HM13: variants seen among roughly 807,000 people sequenced by gnomAD.
HM13 encodes the protein histocompatibility minor 13.
HM13 carries 18 observed loss-of-function variants against 50.0 expected under a neutral mutation model. The ratio of observed to expected loss-of-function variants is 0.36; its 90% CI spans 0.25 to 0.53. HM13 has a LOEUF of 0.53. HM13 is among the 20% of genes least tolerant of loss of function. HM13 has a pLI of 0.90. For synonymous variants in HM13, 197 were observed against 232.6 expected (o/e 0.85, Z 1.39); for missense variants, 393 against 552.4 (o/e 0.71, Z 2.89).
chr20:31,559,790 C>A, intron 9 of HM13, 143 bp downstream of exon 9: 2 of 815,620 alleles, frequency 2.5e-6, no homozygotes, highest in Non-Finnish European at 4.2e-6. Flanking sequence ...CTGCATTTTG[C>A]ATCTTGAAGT....
intron 2 of HM13, among the ~76,000 whole-genome samples, chr20:31,528,485 GT>G (rs1002356355): frequency 5.9e-4 from 90 of 151,368 alleles, no homozygotes; most frequent in Non-Finnish European, 1.5e-4. Flanking sequence ...CCCTGCTAAT[GT>G]TTTCTTTTTT....
Position 31,568,158 on chromosome 20 carries a change from T to C in HM13, c.1115T>C (p.Leu372Pro). 1 of 1,613,286 alleles carries C rather than the reference T, an allele frequency of 6.2e-7. No homozygotes were observed. The highest frequency in any genetic ancestry group is 8.5e-7 in the Non-Finnish European group (1 of 1,179,962). The change falls in exon 12 of 13, where the codon CTG becomes CCG. Residue 372 changes from leucine (L) to proline (P), a missense_variant. Leu to Pro is a moderately conservative substitution (Grantham distance 98, BLOSUM62 -3). Coordinates refer to ENST00000398174, the MANE Select transcript of HM13 (RefSeq NM_178581.3). Reference protein sequence around the residue: ...FPTVSGSPASLADSMQQKLAG... With the variant: ...FPTVSGSPASPADSMQQKLAG... ...ACAGTCTCGGGCTCCCCAGCCAGCCTGGCCGACTCCATGCAGCAGAAGCTA... is the reference window on the plus strand; with the variant it reads ...ACAGTCTCGGGCTCCCCAGCCAGCCCGGCCGACTCCATGCAGCAGAAGCTA...
At chr20:31,554,718 C>CG in intron 7 of HM13, 28 bp from the exon 8 acceptor site, 1 of 1,585,716 alleles carries the variant, frequency 6.3e-7, no homozygotes, top group Non-Finnish European at 8.7e-7. Flanking sequence ...CTCCAGCTGA[C>CG]TCCTCACATT....
At chr20:31,542,266 C>A (rs1983489268) in intron 3 of HM13, among the ~76,000 whole-genome samples, 1 of 152,226 alleles carries the variant, frequency 6.6e-6, no homozygotes. Context: ...CCCAAGACAT[C>A]CTTCCTGCAA....
intron 1 of HM13, among the ~76,000 whole-genome samples, chr20:31,524,119 A>G (rs962046141): frequency 2.6e-5 from 4 of 152,160 alleles, no homozygotes; most frequent in Non-Finnish European, 1.5e-5. Context: ...TCACGCCTAT[A>G]ATCTCAGCAT....
chr20:31,548,358 A>G (rs543867654), intron 4 of HM13: 27 of 269,194 alleles, frequency 1.0e-4, no homozygotes, highest in South Asian at 5.3e-5. Context: ...AGAATGGTCT[A>G]ACATCAAGAT....
At chr20:31,539,186 T>C (rs1284782817) in intron 3 of HM13, 2 of 985,366 alleles carry the variant, frequency 2.0e-6, no homozygotes, top group Non-Finnish European at 2.4e-6. Flanking sequence ...TCTGCAGGAC[T>C]ATCCCATGTA....
intron 9 of HM13, among the ~76,000 whole-genome samples, chr20:31,560,780 C>T (rs1455288966): frequency 6.6e-6 from 1 of 152,258 alleles, no homozygotes; most frequent in African/African-American, 2.4e-5. Flanking sequence ...CAAAGGGAGT[C>T]ACTTGTATCC....
At chr20:31,567,853 A>G (rs889717817) in intron 11 of HM13, 6 of 527,704 alleles carry the variant, frequency 1.1e-5, no homozygotes, top group African/African-American at 3.8e-5. Flanking sequence ...CTTCTAGAGC[A>G]TGCTTGTTCT....
At chr20:31,562,696 T>C (rs1445363142) in intron 10 of HM13, 3 of 152,208 alleles carry the variant, frequency 2.0e-5, no homozygotes, top group Admixed American at 2.0e-4. Context: ...AATCACTCTG[T>C]GCCAGGCACT....
At chr20:31,535,040 C>G (rs990595615) in intron 2 of HM13, among the ~76,000 whole-genome samples, 1 of 151,142 alleles carries the variant, frequency 6.6e-6, no homozygotes, top group South Asian at 2.1e-4. Context: ...GAGCCAAGAT[C>G]GTGCCACTGC....
intron 7 of HM13, among the ~76,000 whole-genome samples, chr20:31,554,293 CAG>C (rs1238104117): frequency 2.0e-5 from 3 of 151,450 alleles, no homozygotes; most frequent in Non-Finnish European, 2.9e-5. Flanking sequence ...GCCTAGGAGA[CAG>C]AGGTTGCAGT....
At chr20:31,547,924 C>T (rs1458371186) in intron 4 of HM13, 1 of 1,242,302 alleles carries the variant, frequency 8.0e-7, no homozygotes, top group Non-Finnish European at 1.2e-6. Flanking sequence ...AGGAAAACAG[C>T]ATGCTCTGTG....
intron 8 of HM13, among the ~76,000 whole-genome samples, chr20:31,557,752 C>T (rs541298342): frequency 2.2e-4 from 26 of 116,600 alleles, no homozygotes; most frequent in African/African-American, 1.2e-3. Context: ...CTCTTGTTGC[C>T]CAGGCAGTGC....
At chr20:31,547,521 TGAAAA>T (rs1983797877) in intron 4 of HM13, 1 of 768,484 alleles carries the variant, frequency 1.3e-6, no homozygotes, top group African/African-American at 1.8e-5. Context: ...AGAAGTTTGA[TGAAAA>T]GGAAAGTGTG....
At chr20:31,546,328 G>T (rs939355611) in intron 4 of HM13, among the ~76,000 whole-genome samples, 1 of 152,070 alleles carries the variant, frequency 6.6e-6, no homozygotes, top group Non-Finnish European at 1.5e-5. Context: ...GAGCCACCGC[G>T]CCCGGCCGTA....
chr20:31,528,987 A>G (rs1439563093), intron 2 of HM13, among the ~76,000 whole-genome samples: 1 of 151,946 alleles, frequency 6.6e-6, no homozygotes, highest in Non-Finnish European at 1.5e-5. Context: ...TTTGTTGTTT[A>G]TGTTAGGTTT....
chr20:31,546,670 C>A (rs1983738738), intron 4 of HM13, among the ~76,000 whole-genome samples: 1 of 151,464 alleles, frequency 6.6e-6, no homozygotes, highest in Non-Finnish European at 1.5e-5. Flanking sequence ...AGGAGAATCG[C>A]TTTAACCTGG....
At chr20:31,561,565 C>A in intron 9 of HM13, 69 bp from the exon 10 acceptor site, 1 of 1,093,378 alleles carries the variant, frequency 9.1e-7, no homozygotes, top group South Asian at 1.2e-5. Flanking sequence ...CCAGCTCCCT[C>A]AGAAGGGGTA....
Sources: gnomAD v4.1 joint callset for allele counts (sites outside exome capture counted in the v4.1 genomes callset) on GRCh38, gnomAD v4.1.1 for gene constraint, MANE v1.5 for transcripts, NCBI Gene and HGNC (gene_info 2026-07-23, HGNC 2026-07-21) for gene names.